The following KCNIP4 variants were observed in gnomAD, a reference collection of about 807,000 sequenced individuals.
The protein encoded by KCNIP4 is potassium voltage-gated channel interacting protein 4, also known as Kv channel-interacting protein 4.
Under a neutral mutation model 34.0 loss-of-function variants are expected in KCNIP4, and 12 were observed. The ratio of observed to expected loss-of-function variants is 0.35; its 90% CI spans 0.23 to 0.57. The LOEUF (loss-of-function observed/expected upper bound fraction) is 0.57. Ranked by LOEUF, KCNIP4 falls within the 20% of genes least tolerant of loss-of-function variation. KCNIP4 has a pLI of 0.83. For synonymous variants in KCNIP4, 124 were observed against 102.2 expected, an observed-to-expected ratio of 1.21 and a Z score of -1.29; for missense variants, 238 against 311.7, an observed-to-expected ratio of 0.76 and a Z score of 1.78.
intron 1 of KCNIP4, among the ~76,000 whole-genome samples, chr4:21,778,273 C>T (rs1296833111): frequency 1.7e-5 from 2 of 120,840 alleles, no homozygotes; most frequent in Admixed American, 1.1e-4. Flanking sequence ...TTCACTCTTT[C>T]GCCCAGGCTG....
chr4:21,813,974 G>A (rs1228839112), intron 1 of KCNIP4, among the ~76,000 whole-genome samples: 1 of 152,086 alleles, frequency 6.6e-6, no homozygotes, highest in East Asian at 1.9e-4. Flanking sequence ...TGCATTGAGT[G>A]TCTCCTATCC....
chr4:20,992,888 C>T (rs181390895), intron 1 of KCNIP4, among the ~76,000 whole-genome samples: 13 of 151,800 alleles, frequency 8.6e-5, no homozygotes, highest in Admixed American at 4.6e-4. Context: ...ATCAGCCGGG[C>T]GCGGCGGTGG....
At chr4:21,441,349 T>C (rs1369152215) in intron 1 of KCNIP4, among the ~76,000 whole-genome samples, 1 of 151,878 alleles carries the variant, frequency 6.6e-6, no homozygotes, top group Non-Finnish European at 1.5e-5. Context: ...TTCACCGTGT[T>C]AGCCAGGATG....
chr4:21,824,214 G>A (rs2109295515), intron 1 of KCNIP4, among the ~76,000 whole-genome samples: 1 of 152,208 alleles, frequency 6.6e-6, no homozygotes, highest in South Asian at 2.1e-4. Context: ...GAGAAACTTG[G>A]TTTACAGTTT....
chr4:21,412,045 A>G (rs1724555334), intron 1 of KCNIP4, among the ~76,000 whole-genome samples: 1 of 152,180 alleles, frequency 6.6e-6, no homozygotes, highest in Non-Finnish European at 1.5e-5. Flanking sequence ...AATTTCTCTT[A>G]GCTCTGAAGT....
intron 1 of KCNIP4, among the ~76,000 whole-genome samples, chr4:21,022,927 G>A (rs1560654090): frequency 6.6e-6 from 1 of 151,970 alleles, no homozygotes. Flanking sequence ...CCAGATTCAA[G>A]CAATTCCGCC....
intron 1 of KCNIP4, among the ~76,000 whole-genome samples, chr4:20,932,405 T>C (rs927196543): frequency 2.5e-5 from 3 of 120,800 alleles, no homozygotes; most frequent in African/African-American, 1.0e-4. Context: ...TAGACTATAA[T>C]AGTCTATAAC....
intron 1 of KCNIP4, among the ~76,000 whole-genome samples, chr4:21,310,045 T>G (rs1323724390): frequency 6.6e-6 from 1 of 152,060 alleles, no homozygotes; most frequent in Non-Finnish European, 1.5e-5. Context: ...TTTTGGTTTT[T>G]TTGAGACAAG....
intron 1 of KCNIP4, among the ~76,000 whole-genome samples, chr4:21,050,608 T>C (rs757716498): frequency 2.6e-5 from 4 of 152,182 alleles, no homozygotes; most frequent in African/African-American, 9.6e-5. Context: ...AATAATTCTA[T>C]AAACCTTTCA....
intron 1 of KCNIP4, among the ~76,000 whole-genome samples, chr4:21,333,566 C>A (rs1320696914): frequency 1.3e-5 from 2 of 151,890 alleles, no homozygotes; most frequent in African/African-American, 4.8e-5. Flanking sequence ...AATGTAAGTT[C>A]CTGAATCTAA....
intron 1 of KCNIP4, among the ~76,000 whole-genome samples, chr4:21,628,749 A>G (rs1042716870): frequency 3.3e-5 from 5 of 152,198 alleles, no homozygotes; most frequent in African/African-American, 9.6e-5. Flanking sequence ...AATAATAATG[A>G]GTCACACAAG....
chr4:20,968,573 T>C (rs1428316400), intron 1 of KCNIP4, among the ~76,000 whole-genome samples: 1 of 152,062 alleles, frequency 6.6e-6, no homozygotes, highest in Non-Finnish European at 1.5e-5. Flanking sequence ...GTGGCACATA[T>C]ACACCATGGA....
chr4:21,090,256 G>A (rs766101632), intron 1 of KCNIP4, among the ~76,000 whole-genome samples: 2 of 152,124 alleles, frequency 1.3e-5, no homozygotes, highest in Non-Finnish European at 1.5e-5. Flanking sequence ...GCTCCATAAG[G>A]GTAACTATCA....
chr4:20,864,765 A>T (rs925322752), intron 2 of KCNIP4, among the ~76,000 whole-genome samples: 11 of 152,150 alleles, frequency 7.2e-5, no homozygotes, highest in Non-Finnish European at 1.3e-4. Flanking sequence ...TGTCACATAC[A>T]GAGCCTTAGC....
intron 1 of KCNIP4, among the ~76,000 whole-genome samples, chr4:21,759,210 T>TG (rs1476755250): frequency 6.6e-6 from 1 of 152,210 alleles, no homozygotes; most frequent in East Asian, 1.9e-4. Context: ...CTGGAGATTT[T>TG]AATATATTGA....
intron 1 of KCNIP4, among the ~76,000 whole-genome samples, chr4:21,486,506 C>T (rs111997729): frequency 0.03 from 4,605 of 152,212 alleles, 94 homozygotes; most frequent in Non-Finnish European, 0.049. Flanking sequence ...TAAGAATCAT[C>T]AGTAAAAATG....
At chr4:21,110,027 T>C (rs1236365877) in intron 1 of KCNIP4, among the ~76,000 whole-genome samples, 1 of 152,164 alleles carries the variant, frequency 6.6e-6, no homozygotes, top group African/African-American at 2.4e-5. Flanking sequence ...CCTCATCAGG[T>C]CTTCTAGAAC....
At chr4:20,895,555 A>G (rs890359704) in intron 1 of KCNIP4, among the ~76,000 whole-genome samples, 1 of 152,196 alleles carries the variant, frequency 6.6e-6, no homozygotes, top group African/African-American at 2.4e-5. Context: ...GTGAGACAGT[A>G]CTTTCCTTTC....
chr4:21,898,210 T>C (rs1205154240), intron 1 of KCNIP4, among the ~76,000 whole-genome samples: 1 of 152,080 alleles, frequency 6.6e-6, no homozygotes, highest in African/African-American at 2.4e-5. Flanking sequence ...TAGGCCCCAG[T>C]TGCCAAGCTG....
Sources: allele counts gnomAD v4.1 joint callset (sites outside exome capture counted in the v4.1 genomes callset), GRCh38; gene constraint gnomAD v4.1.1; transcripts MANE v1.5; gene names NCBI Gene and HGNC (gene_info 2026-07-23, HGNC 2026-07-21).